Variants in INPP5B observed in about 807,000 individuals in gnomAD.
INPP5B encodes the protein inositol polyphosphate-5-phosphatase B.
In INPP5B, 90 loss-of-function variants were observed where a neutral mutation model predicts 118.5. That is an observed-to-expected ratio of 0.76 (90% CI 0.64 to 0.90). The LOEUF (loss-of-function observed/expected upper bound fraction) is 0.90. INPP5B is among the 40% of genes least tolerant of loss of function. INPP5B has a pLI of 0.00. For synonymous variants in INPP5B, 385 were observed against 418.9 expected, an observed-to-expected ratio of 0.92 and a Z score of 0.99; for missense variants, 984 against 1,125.6, an observed-to-expected ratio of 0.87 and a Z score of 1.80.
rs111228489 is a variant in INPP5B at position 37,946,376 on chromosome 1, T to C, written c.-26-42A>G. 6,755 of 1,485,734 alleles carry C rather than the reference T, an allele frequency of 4.5e-3. 275 individuals carry two copies. In the African/African-American group the frequency reaches 0.083, roughly 18 times the overall value. 92.0% of individuals were successfully genotyped at this position (1,485,734 alleles called of 1,614,324 possible). On this transcript the variant is annotated intron_variant, in intron 1 of 23. Coordinates refer to ENST00000373024, the MANE Select transcript of INPP5B (RefSeq NM_005540.3). The stretch of plus-strand genomic sequence containing the variant: ...AGGAGCCCCGCTTTGGTCAACAAGT[T>C]ACGCATGGGGTGGTGGAGCTGCCTC...
chr1:37,879,031 GGGGA>G (rs369864736), intron 15 of INPP5B, among the ~76,000 whole-genome samples: 2 of 150,766 alleles, frequency 1.3e-5, no homozygotes, highest in Non-Finnish European at 3.0e-5. Context: ...GCCAAGGCAG[GGGGA>G]TCATGAGGTC....
intron 7 of INPP5B, among the ~76,000 whole-genome samples, chr1:37,914,263 T>C (rs969717809): frequency 1.3e-5 from 2 of 152,180 alleles, no homozygotes; most frequent in African/African-American, 2.4e-5. Context: ...GTCTATGGAG[T>C]AGCCATTCTT....
chr1:37,874,848 T>C (rs1417669284), intron 17 of INPP5B, among the ~76,000 whole-genome samples: 1 of 152,148 alleles, frequency 6.6e-6, no homozygotes, highest in Non-Finnish European at 1.5e-5. Flanking sequence ...AATTTGACTT[T>C]GTAGAATGTC....
At chr1:37,914,260 G>C (rs996076706) in intron 7 of INPP5B, among the ~76,000 whole-genome samples, 6 of 152,164 alleles carry the variant, frequency 3.9e-5, no homozygotes, top group African/African-American at 7.2e-5. Flanking sequence ...TCTGTCTATG[G>C]AGTAGCCATT....
intron 13 of INPP5B, 178 bp from the exon 14 acceptor site, chr1:37,883,096 C>G (rs1489431251): frequency 1.0e-6 from 1 of 985,272 alleles, no homozygotes; most frequent in Non-Finnish European, 1.2e-6. Context: ...TAATGTGATG[C>G]TTGCTCAATT....
intron 18 of INPP5B, 137 bp from the exon 19 acceptor site, chr1:37,873,302 A>C: frequency 1.5e-6 from 1 of 647,268 alleles, no homozygotes. Flanking sequence ...ACAAGCATCC[A>C]AATGTGCTTG....
At chr1:37,909,810 C>G (rs1367640852) in intron 7 of INPP5B, among the ~76,000 whole-genome samples, 1 of 152,210 alleles carries the variant, frequency 6.6e-6, no homozygotes, top group Non-Finnish European at 1.5e-5. Context: ...GTTGTAATTA[C>G]TTGCCTCCGC....
intron 16 of INPP5B, among the ~76,000 whole-genome samples, chr1:37,877,659 G>T (rs1248240206): frequency 6.6e-6 from 1 of 152,058 alleles, no homozygotes; most frequent in Non-Finnish European, 1.5e-5. Flanking sequence ...ACATGTGAAG[G>T]GTGGTCACAA....
At chr1:37,919,938 T>A (rs1361797291) in intron 7 of INPP5B, among the ~76,000 whole-genome samples, 1 of 152,036 alleles carries the variant, frequency 6.6e-6, no homozygotes, top group Non-Finnish European at 1.5e-5. Flanking sequence ...CAAGACTACA[T>A]CTTAAAAAAA....
intron 7 of INPP5B, among the ~76,000 whole-genome samples, chr1:37,902,566 A>AT (rs1174769457): frequency 4.6e-5 from 7 of 151,738 alleles, no homozygotes; most frequent in South Asian, 2.1e-4. Flanking sequence ...CAAAAAAAAA[A>AT]TTTTTTTTGA....
chr1:37,914,039 A>G (rs939419742), intron 7 of INPP5B, among the ~76,000 whole-genome samples: 1 of 151,948 alleles, frequency 6.6e-6, no homozygotes, highest in Non-Finnish European at 1.5e-5. Flanking sequence ...CCAAACCTAT[A>G]AGAACTAATG....
At chr1:37,927,219 C>T (rs1319670094) in intron 7 of INPP5B, among the ~76,000 whole-genome samples, 3 of 151,908 alleles carry the variant, frequency 2.0e-5, no homozygotes, top group African/African-American at 7.3e-5. Flanking sequence ...TACTTGAACC[C>T]GGGAGGTGGA....
At chr1:37,944,688 C>T (rs28733371) in intron 3 of INPP5B, among the ~76,000 whole-genome samples, 129 of 151,714 alleles carry the variant, frequency 8.5e-4, no homozygotes, top group Non-Finnish European at 1.6e-3. Flanking sequence ...CTCATGTGAT[C>T]CTCCCGCCTC....
chr1:37,872,230 C>T (rs554685986), intron 19 of INPP5B, among the ~76,000 whole-genome samples: 56 of 148,480 alleles, frequency 3.8e-4, no homozygotes, highest in African/African-American at 1.3e-3. Flanking sequence ...ATTAGCCAGG[C>T]GTGGTGGCGC....
chr1:37,944,951 G>A (rs1209887198), intron 3 of INPP5B, among the ~76,000 whole-genome samples: 2 of 152,068 alleles, frequency 1.3e-5, no homozygotes, highest in Non-Finnish European at 2.9e-5. Context: ...TGGACAAATC[G>A]AGGAGTAAAA....
At chr1:37,925,480 A>T (rs1557705314) in intron 7 of INPP5B, among the ~76,000 whole-genome samples, 2 of 151,956 alleles carry the variant, frequency 1.3e-5, no homozygotes, top group Non-Finnish European at 2.9e-5. Flanking sequence ...CTCAAGCAAG[A>T]CTCCTGCCTC....
chr1:37,920,631 C>T (rs1361857366), intron 7 of INPP5B, among the ~76,000 whole-genome samples: 1 of 151,374 alleles, frequency 6.6e-6, no homozygotes, highest in Non-Finnish European at 1.5e-5. Flanking sequence ...AACCACTGCA[C>T]TCCAGCCTGG....
intron 7 of INPP5B, among the ~76,000 whole-genome samples, chr1:37,901,102 G>C (rs571574438): frequency 6.6e-6 from 1 of 152,164 alleles, no homozygotes; most frequent in Non-Finnish European, 1.5e-5. Flanking sequence ...GAGCCACCAC[G>C]CCCGACCTGA....
rs575182845 is a variant in INPP5B at position 37,903,301 on chromosome 1, C to T, written c.533-11847G>A. ...GGCCACGAGAATGACCTAGGTCATCCTCATTGCTACACTCTCACCAGCGCC... is the reference window on the plus strand; with the variant it reads ...GGCCACGAGAATGACCTAGGTCATCTTCATTGCTACACTCTCACCAGCGCC... On this transcript the variant is annotated intron_variant, in intron 7 of 23. Coordinates refer to ENST00000373024, the MANE Select transcript of INPP5B (RefSeq NM_005540.3). Among the ~76,000 whole-genome samples, 7 of 152,308 alleles carry T rather than the reference C, an allele frequency of 4.6e-5. No homozygotes were observed. The East Asian group carries it at 1.2e-3, about 25-fold the overall frequency.
Sources: allele counts gnomAD v4.1 joint callset (sites outside exome capture counted in the v4.1 genomes callset), GRCh38; gene constraint gnomAD v4.1.1; transcripts MANE v1.5; gene names NCBI Gene and HGNC (gene_info 2026-07-23, HGNC 2026-07-21).